Variants in CSMD1 observed in about 807,000 individuals in gnomAD.
CSMD1 encodes the protein CUB and Sushi multiple domains 1, also known as CUB and sushi domain-containing protein 1.
CSMD1 carries 213 observed loss-of-function variants against 417.5 expected under a neutral mutation model. That is an observed-to-expected ratio of 0.51 (90% CI 0.46 to 0.57). CSMD1 has a LOEUF of 0.57. CSMD1 is among the 20% of genes least tolerant of loss of function. The pLI, the probability that CSMD1 is intolerant of heterozygous loss-of-function variation, is 0.00. For synonymous variants in CSMD1, 2,862 were observed against 1,736.8 expected, an observed-to-expected ratio of 1.65 and a Z score of -16.11; for missense variants, 6,923 against 4,529.7, an observed-to-expected ratio of 1.53 and a Z score of -15.17.
At chr8:4,042,732 C>T (rs1797953364) in intron 3 of CSMD1, among the ~76,000 whole-genome samples, 1 of 146,440 alleles carries the variant, frequency 6.8e-6, no homozygotes, top group South Asian at 2.2e-4. Flanking sequence ...GAAATGACAG[C>T]AATACCACAG....
intron 3 of CSMD1, among the ~76,000 whole-genome samples, chr8:4,339,688 C>G (rs1381953360): frequency 3.9e-5 from 6 of 151,922 alleles, no homozygotes; most frequent in Non-Finnish European, 7.4e-5. Flanking sequence ...AAACAGTTTC[C>G]AGGTTTGAGT....
chr8:3,985,446 G>C (rs1182206719), intron 5 of CSMD1, among the ~76,000 whole-genome samples: 2 of 151,838 alleles, frequency 1.3e-5, no homozygotes, highest in Non-Finnish European at 2.9e-5. Context: ...AACACACCTG[G>C]GCGTGCACAC....
intron 1 of CSMD1, among the ~76,000 whole-genome samples, chr8:4,976,985 A>T (rs546662948): frequency 6.6e-5 from 10 of 152,274 alleles, no homozygotes; most frequent in Non-Finnish European, 1.3e-4. Context: ...CTAATAGAGC[A>T]ATTTGTCAGA....
At chr8:4,532,258 C>T (rs1217871220) in intron 2 of CSMD1, among the ~76,000 whole-genome samples, 1 of 149,418 alleles carries the variant, frequency 6.7e-6, no homozygotes, top group Non-Finnish European at 1.5e-5. Context: ...CACCCCCATT[C>T]ACAGTCACTC....
At chr8:3,737,207 A>G (rs1796566095) in intron 6 of CSMD1, among the ~76,000 whole-genome samples, 1 of 144,636 alleles carries the variant, frequency 6.9e-6, no homozygotes. Context: ...GACTATCGGG[A>G]GAAATTATCA....
intron 1 of CSMD1, among the ~76,000 whole-genome samples, chr8:4,776,864 C>T (rs528438860): frequency 1.3e-5 from 2 of 152,298 alleles, no homozygotes; most frequent in South Asian, 4.1e-4. Context: ...AATTATTTTA[C>T]TGTTTTCTGC....
chr8:3,908,779 G>A (rs1207850240), intron 5 of CSMD1, among the ~76,000 whole-genome samples: 2 of 152,142 alleles, frequency 1.3e-5, no homozygotes, highest in African/African-American at 2.4e-5. Context: ...CAGGCATTAG[G>A]GGCAATTCTG....
chr8:3,855,386 A>G (rs1804226220), intron 5 of CSMD1, among the ~76,000 whole-genome samples: 1 of 152,076 alleles, frequency 6.6e-6, no homozygotes, highest in South Asian at 2.1e-4. Context: ...ACAACAGAAC[A>G]AAATAAAAAC....
chr8:3,475,991 A>T (rs893033617), intron 11 of CSMD1, among the ~76,000 whole-genome samples: 2 of 152,218 alleles, frequency 1.3e-5, no homozygotes, highest in African/African-American at 4.8e-5. Flanking sequence ...CTCTGATCAA[A>T]TCTTCCCTTT....
intron 3 of CSMD1, among the ~76,000 whole-genome samples, chr8:4,413,233 C>CA (rs1346133613): frequency 1.3e-5 from 2 of 152,192 alleles, no homozygotes; most frequent in Non-Finnish European, 2.9e-5. Flanking sequence ...CATCAGGGTG[C>CA]AACTGTGAGC....
intron 7 of CSMD1, among the ~76,000 whole-genome samples, chr8:3,684,322 CTA>C (rs1004977807): frequency 4.2e-5 from 6 of 141,330 alleles, no homozygotes; most frequent in East Asian, 2.0e-4. Context: ...AAATATATAG[CTA>C]TATGTTATAT....
chr8:3,201,491 G>A (rs1251719275), intron 32 of CSMD1, 121 bp downstream of exon 32: 16 of 488,090 alleles, frequency 3.3e-5, no homozygotes, highest in Middle Eastern at 3.0e-4. Flanking sequence ...AAGCACACAC[G>A]CAAATTCAAA....
chr8:3,527,281 A>C (rs2117487837), intron 10 of CSMD1, among the ~76,000 whole-genome samples: 1 of 152,340 alleles, frequency 6.6e-6, no homozygotes, highest in South Asian at 2.1e-4. Flanking sequence ...TAATGGGAGA[A>C]ATCAGCTAAT....
At chr8:3,196,466 C>A (rs1796707979) in intron 33 of CSMD1, among the ~76,000 whole-genome samples, 1 of 152,186 alleles carries the variant, frequency 6.6e-6, no homozygotes, top group Non-Finnish European at 1.5e-5. Context: ...CAAATTCTTT[C>A]TTGCGCGAGA....
At chr8:4,491,379 C>A (rs567422380) in intron 2 of CSMD1, among the ~76,000 whole-genome samples, 5 of 152,178 alleles carry the variant, frequency 3.3e-5, no homozygotes, top group African/African-American at 1.2e-4. Flanking sequence ...TCCATTATAG[C>A]GATCAGCCCT....
At chr8:4,255,092 C>G (rs1363186269) in intron 3 of CSMD1, among the ~76,000 whole-genome samples, 2 of 152,112 alleles carry the variant, frequency 1.3e-5, no homozygotes, top group Non-Finnish European at 2.9e-5. Flanking sequence ...AATGGTTTAA[C>G]CCCTCGGTCT....
intron 1 of CSMD1, among the ~76,000 whole-genome samples, chr8:4,854,869 G>A (rs964796579): frequency 7.2e-5 from 11 of 152,196 alleles, no homozygotes; most frequent in African/African-American, 2.2e-4. Context: ...GCTTGCTTAG[G>A]TAAACAAAGC....
chr8:4,368,307 T>C (rs1436318031), intron 3 of CSMD1, among the ~76,000 whole-genome samples: 1 of 152,200 alleles, frequency 6.6e-6, no homozygotes, highest in Non-Finnish European at 1.5e-5. Flanking sequence ...ATGTGTATGT[T>C]AAACCAACTT....
chr8:4,854,426 G>C (rs1378408867), intron 1 of CSMD1, among the ~76,000 whole-genome samples: 3 of 152,288 alleles, frequency 2.0e-5, no homozygotes, highest in Non-Finnish European at 4.4e-5. Context: ...TGGCCGAATA[G>C]GAACAGCTCC....
Sources: allele counts gnomAD v4.1 joint callset (sites outside exome capture counted in the v4.1 genomes callset), GRCh38; gene constraint gnomAD v4.1.1; transcripts MANE v1.5; gene names NCBI Gene and HGNC (gene_info 2026-07-23, HGNC 2026-07-21).